HS3ST5: variants seen among roughly 807,000 people sequenced by gnomAD.
HS3ST5 encodes heparan sulfate glucosamine 3-O-sulfotransferase 5.
In HS3ST5, 10 loss-of-function variants were observed where a neutral mutation model predicts 25.4. The observed-to-expected ratio is 0.39, with a 90% CI of 0.24 to 0.67. The LOEUF (loss-of-function observed/expected upper bound fraction) is 0.67, where lower values mean the gene tolerates loss of function less well. Among genes scored for constraint, HS3ST5 ranks in the 30% least tolerant of loss-of-function variants. HS3ST5 has a pLI of 0.44. For synonymous variants in HS3ST5, 170 were observed against 162.4 expected (o/e 1.05, Z -0.36); for missense variants, 324 against 420.7 (o/e 0.77, Z 2.01).
At chr6:114,068,009 G>C (rs113486339) in intron 3 of HS3ST5, among the ~76,000 whole-genome samples, 1,749 of 152,204 alleles carry the variant, frequency 0.011, 24 homozygotes, top group Middle Eastern at 0.037. Context: ...GAACATTTGT[G>C]CATTGTGCAA....
chr6:114,271,912 A>C (rs1773653092), intron 1 of HS3ST5, among the ~76,000 whole-genome samples: 2 of 152,112 alleles, frequency 1.3e-5, no homozygotes, highest in African/African-American at 4.8e-5. Context: ...TCTTTTTCTC[A>C]AATCTTCCAT....
intron 1 of HS3ST5, among the ~76,000 whole-genome samples, chr6:114,334,127 T>G (rs528246017): frequency 1.3e-5 from 2 of 152,148 alleles, no homozygotes; most frequent in African/African-American, 4.8e-5. Flanking sequence ...ACCACGGAAA[T>G]AGGGATGAAA....
chr6:114,078,335 T>C (rs1336315670), intron 3 of HS3ST5, among the ~76,000 whole-genome samples: 1 of 152,038 alleles, frequency 6.6e-6, no homozygotes, highest in Admixed American at 6.6e-5. Context: ...GCCTCATGAG[T>C]AGCTGGAACT....
chr6:114,231,835 C>A (rs938954027), intron 1 of HS3ST5, among the ~76,000 whole-genome samples: 2 of 150,894 alleles, frequency 1.3e-5, no homozygotes, highest in Admixed American at 1.3e-4. Flanking sequence ...GAACTACTGG[C>A]AGCCATCTTG....
At chr6:114,105,356 T>C (rs1382935137) in intron 3 of HS3ST5, among the ~76,000 whole-genome samples, 5 of 152,192 alleles carry the variant, frequency 3.3e-5, no homozygotes, top group African/African-American at 1.2e-4. Flanking sequence ...GAATTATGTG[T>C]ACAGGGAGTG....
At chr6:114,073,772 T>G (rs1483926032) in intron 3 of HS3ST5, among the ~76,000 whole-genome samples, 4 of 152,176 alleles carry the variant, frequency 2.6e-5, no homozygotes, top group African/African-American at 9.7e-5. Context: ...GAAATACCAC[T>G]TGACCCAGCA....
intron 4 of HS3ST5, among the ~76,000 whole-genome samples, chr6:114,061,953 A>C (rs1773141829): frequency 6.6e-6 from 1 of 152,210 alleles, no homozygotes; most frequent in African/African-American, 2.4e-5. Flanking sequence ...TCTCAAAAAA[A>C]AAATTTTTTT....
intron 3 of HS3ST5, among the ~76,000 whole-genome samples, chr6:114,163,605 C>T (rs567211887): frequency 6.6e-6 from 1 of 152,162 alleles, no homozygotes; most frequent in Admixed American, 6.5e-5. Context: ...TTAAACCTCT[C>T]ATAAGGCAAA....
At chr6:114,075,513 A>G (rs559504885) in intron 3 of HS3ST5, among the ~76,000 whole-genome samples, 35 of 152,356 alleles carry the variant, frequency 2.3e-4, no homozygotes, top group Non-Finnish European at 3.5e-4. Flanking sequence ...GTGAGACATG[A>G]GCTGGTAGCT....
At chr6:114,175,360 C>T (rs1582682495) in intron 2 of HS3ST5, among the ~76,000 whole-genome samples, 1 of 152,230 alleles carries the variant, frequency 6.6e-6, no homozygotes, top group Non-Finnish European at 1.5e-5. Flanking sequence ...TTGAAAGAGA[C>T]TTAAATCTAA....
chr6:114,244,039 G>C (rs1772266187), intron 1 of HS3ST5, among the ~76,000 whole-genome samples: 2 of 152,210 alleles, frequency 1.3e-5, no homozygotes, highest in African/African-American at 4.8e-5. Context: ...CTCCAACAGG[G>C]ACAGAGGAGT....
chr6:114,302,589 C>A (rs184191159), intron 1 of HS3ST5, among the ~76,000 whole-genome samples: 1 of 152,004 alleles, frequency 6.6e-6, no homozygotes, highest in East Asian at 1.9e-4. Context: ...AGCAGAGATG[C>A]GGGGTACAAT....
In HS3ST5 at chr6:114,080,279, A is replaced by G. The variant is rs79038152; in HGVS notation, c.-32-17402T>C. ...TTGAAAGGAGCCTTTTTAAATAAAC[A>G]GTAGGTCTCAACAGTAAGCTTAAAC... On this transcript the variant is annotated intron_variant, in intron 3 of 4. Coordinates refer to ENST00000312719, the MANE Select transcript of HS3ST5 (RefSeq NM_153612.4). Among the ~76,000 whole-genome samples the G allele has an allele frequency of 2.9e-3, 447 of 152,344 alleles. 3 individuals are homozygous for G. The highest frequency in any genetic ancestry group is 0.01 in the African/African-American group (419 of 41,598).
chr6:114,176,849 T>G (rs961935242), intron 2 of HS3ST5, among the ~76,000 whole-genome samples: 1 of 152,186 alleles, frequency 6.6e-6, no homozygotes, highest in Admixed American at 6.5e-5. Flanking sequence ...TTAGCTTAGA[T>G]GAGAGTCACT....
intron 2 of HS3ST5, among the ~76,000 whole-genome samples, chr6:114,202,863 GA>G (rs1281836263): frequency 6.6e-6 from 1 of 152,156 alleles, no homozygotes; most frequent in Non-Finnish European, 1.5e-5. Flanking sequence ...CTCCTCAAAT[GA>G]AAACTGAAGT....
chr6:114,274,036 G>A (rs1018426290), intron 1 of HS3ST5, among the ~76,000 whole-genome samples: 2 of 151,912 alleles, frequency 1.3e-5, no homozygotes, highest in Non-Finnish European at 2.9e-5. Flanking sequence ...CATGAAGAGG[G>A]GAGAACTGGT....
At chr6:114,184,065 T>C (rs1780093880) in intron 2 of HS3ST5, among the ~76,000 whole-genome samples, 1 of 133,526 alleles carries the variant, frequency 7.5e-6, no homozygotes, top group East Asian at 2.1e-4. Context: ...TTTTTTTTTT[T>C]TTTTTTTTTT....
At chr6:114,150,768 C>T (rs1429458996) in intron 3 of HS3ST5, among the ~76,000 whole-genome samples, 1 of 152,104 alleles carries the variant, frequency 6.6e-6, no homozygotes. Flanking sequence ...TGAAAGAAAG[C>T]CTTATCATTT....
chr6:114,295,103 T>G (rs1774758723), intron 1 of HS3ST5, among the ~76,000 whole-genome samples: 1 of 152,208 alleles, frequency 6.6e-6, no homozygotes, highest in Non-Finnish European at 1.5e-5. Context: ...AGAGCAAGAT[T>G]TTATTCTGAG....
Sources: gnomAD v4.1 joint callset for allele counts (sites outside exome capture counted in the v4.1 genomes callset) on GRCh38, gnomAD v4.1.1 for gene constraint, MANE v1.5 for transcripts, NCBI Gene and HGNC (gene_info 2026-07-23, HGNC 2026-07-21) for gene names.